The following NEK6 variants were observed in gnomAD, a reference collection of about 807,000 sequenced individuals.
NEK6 encodes NIMA related kinase 6, also known as serine/threonine-protein kinase Nek6.
In NEK6, 27 loss-of-function variants were observed where a neutral mutation model predicts 43.5. The observed-to-expected ratio is 0.62, with a 90% CI of 0.46 to 0.86. The LOEUF (loss-of-function observed/expected upper bound fraction) is 0.86, where lower values mean the gene tolerates loss of function less well. Among genes scored for constraint, NEK6 ranks in the 40% least tolerant of loss-of-function variants. The pLI, the probability that NEK6 is intolerant of heterozygous loss-of-function variation, is 0.00. For missense variants in NEK6, 318 were observed against 414.4 expected, an observed-to-expected ratio of 0.77 and a Z score of 2.02; for synonymous variants, 167 against 164.1, an observed-to-expected ratio of 1.02 and a Z score of -0.14.
chr9:124,340,922 CGTGGCCAGGGGGTCTT>C (rs1389527192), intron 8 of NEK6, among the ~76,000 whole-genome samples: 1 of 152,236 alleles, frequency 6.6e-6, no homozygotes, highest in Admixed American at 6.5e-5. Flanking sequence ...CGGCCGCTCT[CGTGGCCAGGGGGTCTT>C]GTGGCCAGGG....
At chr9:124,282,572 G>C (rs2118994593) in intron 1 of NEK6, among the ~76,000 whole-genome samples, 1 of 152,022 alleles carries the variant, frequency 6.6e-6, no homozygotes, top group Non-Finnish European at 1.5e-5. Context: ...CCAAGGAGCA[G>C]AGTCTGGCGG....
At chr9:124,283,916 A>G (rs1832036146) in intron 1 of NEK6, among the ~76,000 whole-genome samples, 1 of 152,198 alleles carries the variant, frequency 6.6e-6, no homozygotes, top group African/African-American at 2.4e-5. Context: ...TGAGAGCCCC[A>G]TTGAGGATGG....
chr9:124,270,051 A>G (rs1179978149), intron 1 of NEK6, among the ~76,000 whole-genome samples: 1 of 151,826 alleles, frequency 6.6e-6, no homozygotes, highest in East Asian at 1.9e-4. Flanking sequence ...TGCCAGCTGC[A>G]GTAGCCGTTC....
At chr9:124,320,894 T>A (rs1251466393) in intron 4 of NEK6, among the ~76,000 whole-genome samples, 1 of 152,132 alleles carries the variant, frequency 6.6e-6, no homozygotes, top group Admixed American at 6.5e-5. Flanking sequence ...AAGTTCAGTT[T>A]CAATCAGGGC....
At chr9:124,297,310 AG>A (rs1249160247) in intron 1 of NEK6, among the ~76,000 whole-genome samples, 2 of 152,248 alleles carry the variant, frequency 1.3e-5, no homozygotes, top group African/African-American at 4.8e-5. Flanking sequence ...AAAGCCTCAG[AG>A]GTCCCTTCCC....
Position 124,339,683 on chromosome 9 carries a change from G to A in NEK6, c.717+18G>A. ...TGTACGAGGTGAGTCTCTGTCCGTG[G>A]CTCAGCAGCATTTGGTGGGACATGC... is the stretch of plus-strand genomic sequence containing the variant. On this transcript the variant is annotated intron_variant, in intron 8 of 9. Coordinates refer to ENST00000320246, the MANE Select transcript of NEK6 (RefSeq NM_014397.6). 6.3e-7 allele frequency: 1 copy of A among 1,578,222 alleles called. No individual in the cohort carries two copies. Among genetic ancestry groups the A allele is most frequent in the Non-Finnish European group, 8.7e-7 (1 of 1,147,104 alleles).
At chr9:124,279,042 T>A (rs1831774630) in intron 1 of NEK6, among the ~76,000 whole-genome samples, 1 of 152,034 alleles carries the variant, frequency 6.6e-6, no homozygotes, top group Non-Finnish European at 1.5e-5. Context: ...TGGGCGAAGT[T>A]TCCCAGCAAA....
At chr9:124,341,615 G>A (rs1279779126) in intron 8 of NEK6, among the ~76,000 whole-genome samples, 1 of 152,206 alleles carries the variant, frequency 6.6e-6, no homozygotes, top group Non-Finnish European at 1.5e-5. Context: ...CGAGTGTGTA[G>A]TGGATGGGGA....
At chr9:124,259,842 C>G (rs1830959591) in intron 1 of NEK6, among the ~76,000 whole-genome samples, 1 of 152,222 alleles carries the variant, frequency 6.6e-6, no homozygotes, top group Non-Finnish European at 1.5e-5. Context: ...AATAAAGTCT[C>G]AGACTGAAGG....
intron 1 of NEK6, among the ~76,000 whole-genome samples, chr9:124,269,245 G>C (rs1032564719): frequency 8.5e-5 from 13 of 152,124 alleles, no homozygotes; most frequent in African/African-American, 2.9e-4. Flanking sequence ...AGTGGCCCAG[G>C]AGCAAATCCA....
chr9:124,326,502 G>A lies in NEK6; in HGVS notation c.514+64G>A. ...GAGCCCAGGAAGACACTTCCTCATGGCTCCTCCAGGGTCCTCAGGGGCAGC... is the reference window on the plus strand; with the variant it reads ...GAGCCCAGGAAGACACTTCCTCATGACTCCTCCAGGGTCCTCAGGGGCAGC... On this transcript the variant is annotated intron_variant, in intron 6 of 9. Transcript: ENST00000320246. This position sits in a 1 kb window ranked among gnomAD's most constrained non-coding sequence, Gnocchi z 4.5. 1 of 1,227,024 alleles carries A rather than the reference G, an allele frequency of 8.1e-7. No homozygotes were observed. The highest frequency in any genetic ancestry group is 2.3e-5 in the East Asian group (1 of 43,018). 76.0% of individuals were successfully genotyped at this position (1,227,024 alleles called of 1,614,324 possible).
chr9:124,340,916 C>T (rs563027524), intron 8 of NEK6, among the ~76,000 whole-genome samples: 7 of 152,384 alleles, frequency 4.6e-5, no homozygotes, highest in African/African-American at 9.6e-5. Flanking sequence ...GACCCGCGGC[C>T]GCTCTCGTGG....
At position 124,351,106 on chromosome 9, in the gene NEK6, G is replaced by T; in HGVS notation, c.*159G>T. 2 of 586,024 alleles carry T rather than the reference G, an allele frequency of 3.4e-6. No homozygotes were observed. Among genetic ancestry groups the T allele is most frequent in the South Asian group, 4.0e-5 (2 of 50,610 alleles). 36.3% of individuals were successfully genotyped at this position (586,024 alleles called of 1,614,324 possible). ...AGCCTTACAGCAGATGCTGAAGGCAGAGCAGCTGAGGGAGGGGCGCTGGCC... is the reference window on the plus strand; with the variant it reads ...AGCCTTACAGCAGATGCTGAAGGCATAGCAGCTGAGGGAGGGGCGCTGGCC... On this transcript the variant is annotated 3_prime_UTR_variant, in exon 10 of 10. Coordinates refer to ENST00000320246, the MANE Select transcript of NEK6 (RefSeq NM_014397.6).
intron 7 of NEK6, among the ~76,000 whole-genome samples, chr9:124,331,530 C>G (rs770128110): frequency 6.6e-5 from 10 of 152,072 alleles, no homozygotes; most frequent in Non-Finnish European, 1.3e-4. Context: ...GGATCCCCAG[C>G]GAGACCTCAG....
intron 2 of NEK6, among the ~76,000 whole-genome samples, chr9:124,308,103 G>T (rs771817537): frequency 2.0e-5 from 3 of 152,194 alleles, no homozygotes; most frequent in African/African-American, 7.2e-5. Flanking sequence ...CCCTGAAGGG[G>T]GTACTGTTAT....
At chr9:124,286,936 A>T (rs2119020914) in intron 1 of NEK6, among the ~76,000 whole-genome samples, 1 of 151,082 alleles carries the variant, frequency 6.6e-6, no homozygotes, top group Admixed American at 6.6e-5. Context: ...ATCCTACTTC[A>T]CTCCCCTCTT....
At chr9:124,338,652 C>T (rs1321985784) in intron 7 of NEK6, among the ~76,000 whole-genome samples, 1 of 152,170 alleles carries the variant, frequency 6.6e-6, no homozygotes, top group Non-Finnish European at 1.5e-5. Flanking sequence ...GGCTAATTGG[C>T]GGGTGGCCAT....
chr9:124,281,536 T>C (rs1831912704), intron 1 of NEK6, among the ~76,000 whole-genome samples: 1 of 138,990 alleles, frequency 7.2e-6, no homozygotes, highest in Admixed American at 7.6e-5. Flanking sequence ...AATCTCACTC[T>C]GTCGCCCAGA....
chr9:124,289,167 A>ACCCCCCCCCC (rs1203191463), intron 1 of NEK6, among the ~76,000 whole-genome samples: 1 of 15,186 alleles, frequency 6.6e-5, no homozygotes. Flanking sequence ...TTGATTGGAC[A>ACCCCCCCCCC]CCCCCCCCGC....
Sources: allele counts gnomAD v4.1 joint callset (sites outside exome capture counted in the v4.1 genomes callset), GRCh38; gene constraint gnomAD v4.1.1; non-coding constraint Gnocchi (gnomAD v3.1); transcripts MANE v1.5; gene names NCBI Gene and HGNC (gene_info 2026-07-23, HGNC 2026-07-21).